ROBO1: variants seen among roughly 807,000 people sequenced by gnomAD.
ROBO1 encodes roundabout homolog 1.
In ROBO1, 149 loss-of-function variants were observed where a neutral mutation model predicts 195.9. The observed-to-expected ratio is 0.76, with a 90% CI of 0.67 to 0.87. ROBO1 has a LOEUF of 0.87. ROBO1 is among the 40% of genes least tolerant of loss of function. The pLI is 0.00. For synonymous variants in ROBO1, 816 were observed against 733.2 expected, an observed-to-expected ratio of 1.11 and a Z score of -1.82; for missense variants, 1,933 against 2,068.3, an observed-to-expected ratio of 0.93 and a Z score of 1.27.
At chr3:78,674,325 C>T (rs1708265547) in intron 10 of ROBO1, among the ~76,000 whole-genome samples, 1 of 152,148 alleles carries the variant, frequency 6.6e-6, no homozygotes, top group African/African-American at 2.4e-5. Context: ...TGTTTGCAAA[C>T]AGTAAAGAAG....
intron 1 of ROBO1, among the ~76,000 whole-genome samples, chr3:79,616,625 A>G (rs1392179476): frequency 6.6e-6 from 1 of 152,066 alleles, no homozygotes; most frequent in African/African-American, 2.4e-5. Flanking sequence ...CAGATCAATG[A>G]AAAAGGGGAG....
chr3:79,238,399 C>T (rs2082452771), intron 2 of ROBO1, among the ~76,000 whole-genome samples: 1 of 152,064 alleles, frequency 6.6e-6, no homozygotes, highest in African/African-American at 2.4e-5. Flanking sequence ...AGATGATTGC[C>T]AAAATAATGT....
rs560803288 is a variant in ROBO1 at position 78,799,964 on chromosome 3, C to A, written c.500-53064G>T. Among the ~76,000 whole-genome samples the A allele has an allele frequency of 1.9e-3, 286 of 152,246 alleles. 2 individuals are homozygous for A. The highest frequency in any genetic ancestry group is 3.2e-3 in the Non-Finnish European group (220 of 68,020). On this transcript the variant is annotated intron_variant, in intron 4 of 30. Coordinates refer to ENST00000464233, the MANE Select transcript of ROBO1 (RefSeq NM_002941.4). ...GGATTCAAGTCATGGTCACCCCAGCCTGAAAGCTTGGGGCAACAATTCAGT... is the reference window on the plus strand; with the variant it reads ...GGATTCAAGTCATGGTCACCCCAGCATGAAAGCTTGGGGCAACAATTCAGT...
intron 1 of ROBO1, among the ~76,000 whole-genome samples, chr3:79,699,334 T>C (rs1576248924): frequency 6.6e-6 from 1 of 151,630 alleles, no homozygotes; most frequent in Admixed American, 6.6e-5. Context: ...GAGCGCCCCC[T>C]ACATGGCAAC....
At chr3:79,753,513 C>CA (rs1464887653) in intron 1 of ROBO1, among the ~76,000 whole-genome samples, 1 of 152,042 alleles carries the variant, frequency 6.6e-6, no homozygotes, top group Non-Finnish European at 1.5e-5. Flanking sequence ...AGAGTGTGTG[C>CA]AAAAAATTAT....
Position 78,659,818 on chromosome 3 carries a change from GT to G in ROBO1, c.2321-12del. The G allele has an allele frequency of 6.3e-7, 1 of 1,589,870 alleles. No individual in the cohort carries two copies. Among genetic ancestry groups the G allele is most frequent in the South Asian group, 1.1e-5 (1 of 87,372 alleles). On this transcript the variant is annotated splice_polypyrimidine_tract_variant and intron_variant, in intron 16 of 30. Transcript: ENST00000464233. ...GTGGGGCACTGGGTGCTATTAAATT[GT>G]TTTAAAAGGTAGGTTATTAGAATGT...
chr3:79,654,523 G>A (rs971220715), intron 1 of ROBO1, among the ~76,000 whole-genome samples: 7 of 151,908 alleles, frequency 4.6e-5, no homozygotes, highest in African/African-American at 1.7e-4. Flanking sequence ...ATAATAAAAA[G>A]TAGAAATCGC....
chr3:79,295,779 A>C (rs968499969), intron 2 of ROBO1, among the ~76,000 whole-genome samples: 2 of 152,156 alleles, frequency 1.3e-5, no homozygotes, highest in African/African-American at 4.8e-5. Context: ...CAAACATGTA[A>C]ATCTCTTTCA....
chr3:79,589,816 G>A lies in ROBO1; in HGVS notation c.88+8C>T. On this transcript the variant is annotated splice_region_variant and intron_variant, in intron 2 of 30. Transcript: ENST00000464233. ...TAAGTATTGATGAAACAAATGCACA[G>A]CACTTACCTGGAATAAGCTGGGCCA... The A allele has an allele frequency of 3.1e-6, 5 of 1,605,090 alleles. No individual in the cohort carries two copies. The highest frequency in any genetic ancestry group is 4.3e-6 in the Non-Finnish European group (5 of 1,172,768).
At chr3:79,209,651 C>T (rs1270782821) in intron 2 of ROBO1, among the ~76,000 whole-genome samples, 1 of 151,960 alleles carries the variant, frequency 6.6e-6, no homozygotes, top group Non-Finnish European at 1.5e-5. Flanking sequence ...TTTACCACAT[C>T]CATGCCAACA....
chr3:79,085,954 C>A (rs996537980), intron 3 of ROBO1, among the ~76,000 whole-genome samples: 1 of 152,032 alleles, frequency 6.6e-6, no homozygotes, highest in African/African-American at 2.4e-5. Context: ...AAGAAGAAAA[C>A]CTTAATAACT....
intron 4 of ROBO1, among the ~76,000 whole-genome samples, chr3:78,885,020 C>T (rs977244500): frequency 1.3e-5 from 2 of 151,994 alleles, no homozygotes; most frequent in African/African-American, 4.8e-5. Flanking sequence ...ATGAAATAAT[C>T]TTCACAAAGA....
rs370795328 is a variant in ROBO1 at position 78,962,456 on chromosome 3, C to CT, written c.173-23530dup. On this transcript the variant is annotated intron_variant, in intron 3 of 30. Coordinates refer to ENST00000464233, the MANE Select transcript of ROBO1 (RefSeq NM_002941.4). The stretch of plus-strand genomic sequence containing the variant: ...AATTTGCAGTGAGCTGAGAGTCAAA[C>CT]TTAAAACTGTAAACTCCGGGGTCTG... Among the ~76,000 whole-genome samples the CT allele has an allele frequency of 3.1e-4, 47 of 152,264 alleles. 1 individual carries two copies. Among genetic ancestry groups the CT allele is most frequent in the African/African-American group, 1.0e-3 (43 of 41,556 alleles).
At chr3:78,964,370 CTCAAATGGGG>C (rs2041564938) in intron 3 of ROBO1, among the ~76,000 whole-genome samples, 1 of 152,074 alleles carries the variant, frequency 6.6e-6, no homozygotes, top group Admixed American at 6.5e-5. Flanking sequence ...GAAAACGTGT[CTCAAATGGGG>C]TGTACAGGGG....
rs181707021 is a variant in ROBO1, at chr3:78,800,975, T to C, written c.500-54075A>G. 1.6e-3 allele frequency among the ~76,000 whole-genome samples: 237 copies of C among 152,306 alleles called. 1 individual carries two copies. Among genetic ancestry groups the C allele is most frequent in the Admixed American group, 3.5e-3 (54 of 15,294 alleles). ...ATAAATACGGATAATCTTAATAATC[T>C]ATGCTCTTTCACAGGCTGAATTCCA... On this transcript the variant is annotated intron_variant, in intron 4 of 30. Transcript: ENST00000464233.
chr3:79,614,213 A>C (rs1300693900), intron 1 of ROBO1, among the ~76,000 whole-genome samples: 1 of 152,076 alleles, frequency 6.6e-6, no homozygotes, highest in Non-Finnish European at 1.5e-5. Context: ...TTTCAACTAC[A>C]CATGACACAT....
At chr3:79,432,740 G>A (rs568600855) in intron 2 of ROBO1, among the ~76,000 whole-genome samples, 10 of 151,958 alleles carry the variant, frequency 6.6e-5, no homozygotes, top group Admixed American at 5.9e-4. Context: ...TCAGTTTCAG[G>A]CTGCTTACTG....
chr3:79,052,268 G>C (rs887752690), intron 3 of ROBO1, among the ~76,000 whole-genome samples: 2 of 152,006 alleles, frequency 1.3e-5, no homozygotes, highest in Non-Finnish European at 2.9e-5. Context: ...GATGAAATAC[G>C]CCCTCGTCTC....
At chr3:78,838,511 G>A (rs2032928146) in intron 4 of ROBO1, among the ~76,000 whole-genome samples, 1 of 152,142 alleles carries the variant, frequency 6.6e-6, no homozygotes, top group African/African-American at 2.4e-5. Flanking sequence ...GACGGCCTCA[G>A]GCTGCTCCCA....
Sources: allele counts gnomAD v4.1 joint callset (sites outside exome capture counted in the v4.1 genomes callset), GRCh38; gene constraint gnomAD v4.1.1; transcripts MANE v1.5; gene names NCBI Gene and HGNC (gene_info 2026-07-23, HGNC 2026-07-21).